The following CHCHD6 variants were observed in gnomAD, a reference collection of about 807,000 sequenced individuals.
CHCHD6 encodes the protein MICOS complex subunit MIC25.
In CHCHD6, 28 loss-of-function variants were observed where a neutral mutation model predicts 32.3. The ratio of observed to expected loss-of-function variants is 0.87; its 90% CI spans 0.64 to 1.19. CHCHD6 has a LOEUF of 1.19. Ranked by LOEUF, CHCHD6 falls within the 50% of genes most tolerant of loss-of-function variation. CHCHD6 has a pLI of 0.00. For missense variants in CHCHD6, 333 were observed against 307.0 expected, an observed-to-expected ratio of 1.08 and a Z score of -0.63; for synonymous variants, 122 against 117.5, an observed-to-expected ratio of 1.04 and a Z score of -0.25.
At chr3:126,947,023 C>CGTG (rs2078649150) in intron 6 of CHCHD6, among the ~76,000 whole-genome samples, 1 of 152,256 alleles carries the variant, frequency 6.6e-6, no homozygotes. Context: ...TGGGGCCACA[C>CGTG]GTGTGAGCAG....
intron 4 of CHCHD6, among the ~76,000 whole-genome samples, chr3:126,775,392 T>C (rs1937619032): frequency 1.3e-5 from 2 of 152,320 alleles, no homozygotes; most frequent in South Asian, 4.1e-4. Flanking sequence ...CCCTCTCTTA[T>C]GAATTGCCTC....
At position 126,889,795 on chromosome 3, in the gene CHCHD6, C is replaced by A. The variant is rs564729893; in HGVS notation, c.496-24885C>A. Among the ~76,000 whole-genome samples the A allele has an allele frequency of 2.6e-5, 4 of 152,354 alleles. No homozygotes were observed. In the South Asian group the frequency reaches 6.2e-4, roughly 24 times the overall value. On this transcript the variant is annotated intron_variant, in intron 5 of 7. Coordinates refer to ENST00000290913, the MANE Select transcript of CHCHD6 (RefSeq NM_032343.3). ...CAGGAATATCATTTATGTGAAGGAG[C>A]CTGTTGCCACAGCAACCCCAGCAGA...
chr3:126,751,278 G>A (rs569717382), intron 4 of CHCHD6, among the ~76,000 whole-genome samples: 131 of 151,986 alleles, frequency 8.6e-4, no homozygotes, highest in African/African-American at 3.0e-3. Flanking sequence ...GAGGTGGGCC[G>A]ATTGCTTGAG....
chr3:126,929,173 T>A (rs1218482737), intron 6 of CHCHD6, among the ~76,000 whole-genome samples: 1 of 152,230 alleles, frequency 6.6e-6, no homozygotes, highest in Non-Finnish European at 1.5e-5. Context: ...CTTCTCTGAC[T>A]CATCCAGTGA....
chr3:126,902,890 A>G (rs930534949), intron 5 of CHCHD6, among the ~76,000 whole-genome samples: 2 of 152,130 alleles, frequency 1.3e-5, no homozygotes, highest in African/African-American at 2.4e-5. Flanking sequence ...CTCCCTGGCC[A>G]TGTTGGTGCT....
At chr3:126,798,308 A>G (rs1938894272) in intron 4 of CHCHD6, among the ~76,000 whole-genome samples, 1 of 152,148 alleles carries the variant, frequency 6.6e-6, no homozygotes, top group South Asian at 2.1e-4. Flanking sequence ...TTCTTTGACC[A>G]TCCACTTAGA....
chr3:126,838,761 A>G (rs1940959528), intron 4 of CHCHD6, among the ~76,000 whole-genome samples: 1 of 152,218 alleles, frequency 6.6e-6, no homozygotes, highest in Non-Finnish European at 1.5e-5. Context: ...GAAATTGCAA[A>G]TAATTGTTAG....
chr3:126,870,740 A>G (rs535306522), intron 5 of CHCHD6, among the ~76,000 whole-genome samples: 2 of 152,334 alleles, frequency 1.3e-5, no homozygotes, highest in African/African-American at 4.8e-5. Flanking sequence ...CTCTTAGAGT[A>G]GACAAAGACA....
At chr3:126,951,275 A>G (rs954760626) in intron 6 of CHCHD6, among the ~76,000 whole-genome samples, 3 of 152,220 alleles carry the variant, frequency 2.0e-5, no homozygotes, top group East Asian at 1.9e-4. Flanking sequence ...CTGTAAGTCA[A>G]TTAAACCTCT....
At chr3:126,917,413 C>T (rs1576600076) in intron 6 of CHCHD6, among the ~76,000 whole-genome samples, 1 of 152,154 alleles carries the variant, frequency 6.6e-6, no homozygotes, top group Non-Finnish European at 1.5e-5. Context: ...AAGATGGCAG[C>T]AGGGTGGAGC....
chr3:126,834,041 G>A (rs1186533118), intron 4 of CHCHD6, among the ~76,000 whole-genome samples: 2 of 111,214 alleles, frequency 1.8e-5, no homozygotes, highest in African/African-American at 7.7e-5. Flanking sequence ...GCGACAGAGC[G>A]AGACTCCGTC....
At chr3:126,870,871 C>G (rs1559894525) in intron 5 of CHCHD6, among the ~76,000 whole-genome samples, 1 of 152,204 alleles carries the variant, frequency 6.6e-6, no homozygotes. Flanking sequence ...GTTCACCAAT[C>G]TGTAGTTTGC....
At chr3:126,716,835 C>G (rs1004530503) in intron 1 of CHCHD6, among the ~76,000 whole-genome samples, 11 of 152,038 alleles carry the variant, frequency 7.2e-5, no homozygotes, top group African/African-American at 2.4e-4. Context: ...GGGGCTGGTT[C>G]CAGACAGGGG....
At chr3:126,790,306 G>T (rs1938461201) in intron 4 of CHCHD6, among the ~76,000 whole-genome samples, 1 of 152,058 alleles carries the variant, frequency 6.6e-6, no homozygotes, top group Admixed American at 6.5e-5. Flanking sequence ...GTGTCTTGGA[G>T]TTGCTCTTCT....
chr3:126,750,845 C>T (rs1426236445), intron 4 of CHCHD6, among the ~76,000 whole-genome samples: 1 of 152,232 alleles, frequency 6.6e-6, no homozygotes, highest in African/African-American at 2.4e-5. Context: ...GGCAGTTCTC[C>T]CATGCTAATG....
intron 5 of CHCHD6, among the ~76,000 whole-genome samples, chr3:126,891,014 G>C (rs1036559283): frequency 2.0e-5 from 3 of 152,204 alleles, no homozygotes; most frequent in Non-Finnish European, 4.4e-5. Flanking sequence ...GGGTGGATTG[G>C]GATGGGGTGA....
chr3:126,750,170 G>A (rs144549065), intron 4 of CHCHD6, among the ~76,000 whole-genome samples: 240 of 152,312 alleles, frequency 1.6e-3, no homozygotes, highest in African/African-American at 4.8e-3. Context: ...TAGCAGTGGA[G>A]GGGTCCTCGA....
At chr3:126,957,379 C>G in intron 6 of CHCHD6, 37 bp from the exon 7 acceptor site, 1 of 1,600,284 alleles carries the variant, frequency 6.2e-7, no homozygotes, top group Admixed American at 1.7e-5. Flanking sequence ...CCTGCTGGCA[C>G]CTGAGCCCCA....
chr3:126,728,663 A>G (rs1935650040), intron 2 of CHCHD6, among the ~76,000 whole-genome samples: 1 of 152,224 alleles, frequency 6.6e-6, no homozygotes, highest in East Asian at 1.9e-4. Context: ...AACTGGATTA[A>G]CTCGAAAGAG....
Sources: gnomAD v4.1 joint callset for allele counts (sites outside exome capture counted in the v4.1 genomes callset) on GRCh38, gnomAD v4.1.1 for gene constraint, MANE v1.5 for transcripts, NCBI Gene and HGNC (gene_info 2026-07-23, HGNC 2026-07-21) for gene names.